PSMG2: variants seen among roughly 807,000 people sequenced by gnomAD.
PSMG2 encodes the protein CD40 ligand-activated specific transcript 3.
Under a neutral mutation model 31.5 loss-of-function variants are expected in PSMG2, and 21 were observed. The observed-to-expected ratio is 0.67, with a 90% CI of 0.47 to 0.96. The LOEUF (loss-of-function observed/expected upper bound fraction) is 0.96. Ranked by LOEUF, PSMG2 falls within the 40% of genes least tolerant of loss-of-function variation. The pLI is 0.00. For missense variants in PSMG2, 318 were observed against 321.2 expected, an observed-to-expected ratio of 0.99 and a Z score of 0.08; for synonymous variants, 120 against 110.4, an observed-to-expected ratio of 1.09 and a Z score of -0.54.
chr18:12,723,502 G>A (rs1030874057), intron 5 of PSMG2, among the ~76,000 whole-genome samples: 1 of 151,906 alleles, frequency 6.6e-6, no homozygotes, highest in African/African-American at 2.4e-5. Flanking sequence ...GTCTCACGCA[G>A]TTCTCCTGCC....
chr18:12,725,500 T>C lies in PSMG2; in HGVS notation c.764T>C (p.Phe255Ser), dbSNP rs1271607124. The C allele has an allele frequency of 6.2e-7, 1 of 1,605,004 alleles. No homozygotes were observed. Among genetic ancestry groups the C allele is most frequent in the African/African-American group, 1.3e-5 (1 of 74,700 alleles). ...WKIPSSWRLL[F>S]GSGLPPALF ...ATACCAAGTTCTTGGAGATTACTCT[T>C]TGGCAGTGGTCTTCCCCCTGCACTT... Residue 255 changes from phenylalanine to serine, a missense_variant, in exon 7 of 7, where the codon TTT (phenylalanine) becomes TCT (serine). Physicochemically the swap from Phe to Ser is radical, Grantham distance 155 (BLOSUM62 -2). Transcript: ENST00000317615.
intron 2 of PSMG2, among the ~76,000 whole-genome samples, chr18:12,708,375 T>C (rs1475998323): frequency 6.6e-6 from 1 of 152,178 alleles, no homozygotes; most frequent in African/African-American, 2.4e-5. Flanking sequence ...ACTTTTTTTT[T>C]TTTAATGAGA....
chr18:12,718,004 TC>T (rs2040394007), intron 3 of PSMG2, among the ~76,000 whole-genome samples: 1 of 144,638 alleles, frequency 6.9e-6, no homozygotes, highest in South Asian at 2.1e-4. Context: ...CTTTTCTTTT[TC>T]TTTTTTCTTT....
Position 12,669,209 on chromosome 18 carries a change from T to C in PSMG2, c.-37+10436T>C, listed in dbSNP as rs566055858. On this transcript the variant is annotated intron_variant, in intron 1 of 6. Coordinates refer to the PSMG2 transcript ENST00000585331. ...CTCACGGCAACCTCCACCTCCCAGA[T>C]TGAAGCGATTCTCCTGTCTCAGCCT... Among the ~76,000 whole-genome samples the C allele has an allele frequency of 5.3e-5, 8 of 151,664 alleles. No homozygotes were observed. In the East Asian group the frequency reaches 1.4e-3, roughly 26 times the overall value.
At chr18:12,707,877 C>T (rs986143617) in intron 2 of PSMG2, among the ~76,000 whole-genome samples, 26 of 152,288 alleles carry the variant, frequency 1.7e-4, no homozygotes, top group African/African-American at 5.3e-4. Flanking sequence ...GTGAAATGTA[C>T]ATTTGAGAAA....
upstream of PSMG2, chr18:12,699,876 A>G (rs2040090691): frequency 1.1e-5 from 18 of 1,598,368 alleles, no homozygotes; most frequent in Non-Finnish European, 1.5e-5. Context: ...GTTGTTTTGG[A>G]GAGGAAGGGA....
At chr18:12,700,490 T>C (rs2145114533), upstream of PSMG2, 2 of 153,872 alleles carry the variant, frequency 1.3e-5, no homozygotes, top group East Asian at 3.8e-4. Flanking sequence ...CATCCCATTA[T>C]TGACCTATTT....
intron 5 of PSMG2, among the ~76,000 whole-genome samples, chr18:12,722,812 T>TAATA (rs1331007681): frequency 1.3e-5 from 2 of 152,228 alleles, no homozygotes; most frequent in African/African-American, 4.8e-5. Flanking sequence ...TGTGACAAAC[T>TAATA]AATAAGAGGC....
intron 1 of PSMG2, among the ~76,000 whole-genome samples, chr18:12,705,402 C>T (rs1598677908): frequency 6.6e-6 from 1 of 152,028 alleles, no homozygotes; most frequent in Middle Eastern, 3.4e-3. Flanking sequence ...AAAATTTGGG[C>T]AAAAGTTTAT....
intron 4 of PSMG2, among the ~76,000 whole-genome samples, chr18:12,718,854 A>G (rs1451956789): frequency 6.6e-6 from 1 of 152,172 alleles, no homozygotes. Flanking sequence ...TGGGGAAGAC[A>G]TCGTGTAGAG....
At chr18:12,718,324 ATACAT>A (rs1459923599) in intron 3 of PSMG2, among the ~76,000 whole-genome samples, 188 bp from the exon 4 acceptor site, 11 of 152,310 alleles carry the variant, frequency 7.2e-5, no homozygotes, top group African/African-American at 2.6e-4. Flanking sequence ...AATTATAAAG[ATACAT>A]TAGATAATTC....
At position 12,724,619 on chromosome 18, in the gene PSMG2, T is replaced by G. The variant is rs1389394715; in HGVS notation, c.702T>G (p.Leu234=). 2 of 1,597,168 alleles carry G rather than the reference T, an allele frequency of 1.3e-6. No individual in the cohort carries two copies. Among genetic ancestry groups the G allele is most frequent in the Non-Finnish European group, 1.7e-6 (2 of 1,174,004 alleles). Residue 234 remains leucine (L), a splice_region_variant and synonymous_variant, in exon 6 of 7, where the codon CTT becomes CTG. Transcript: ENST00000317615. ...AGTGGCTTCAGATACTCAAACCACT[T>G]GTAAGTTCTATTATAGCTTAAGCCT... The part of the protein sequence containing the change: ...LNEWLQILKP[L]SDDPTVSASR...
chr18:12,673,545 T>TAC, intron 1 of PSMG2: 1 of 1,432,542 alleles, frequency 7.0e-7, no homozygotes, highest in Admixed American at 2.4e-5. Context: ...GAAGTGACCA[T>TAC]ACACTTTAAT....
chr18:12,717,218 G>A (rs1353407715), intron 3 of PSMG2, among the ~76,000 whole-genome samples: 1 of 151,938 alleles, frequency 6.6e-6, no homozygotes, highest in African/African-American at 2.4e-5. Context: ...CAAAGTGTTG[G>A]GATTACAGGA....
intron 1 of PSMG2, 29 bp downstream of exon 1, chr18:12,703,193 C>A (rs3809919): frequency 6.3e-7 from 1 of 1,589,404 alleles, no homozygotes; most frequent in Non-Finnish European, 8.6e-7. Context: ...TCGGGGCTGC[C>A]GCCTCCCGAG....
upstream of PSMG2, chr18:12,699,235 T>A: frequency 1.4e-6 from 2 of 1,411,926 alleles, no homozygotes; most frequent in Non-Finnish European, 2.0e-6. Context: ...ATGAGGAAAC[T>A]GCCAAATAAC....
chr18:12,679,485 T>C (rs1324457108), intron 1 of PSMG2, among the ~76,000 whole-genome samples: 3 of 152,174 alleles, frequency 2.0e-5, no homozygotes, highest in East Asian at 1.9e-4. Context: ...TCCCAGTGTT[T>C]TTCCTTTTTG....
At chr18:12,695,852 C>CCA (rs375916938) in intron 1 of PSMG2, among the ~76,000 whole-genome samples, 33,561 of 148,214 alleles carry the variant, frequency 0.23, 3,983 homozygotes, top group South Asian at 0.38. Flanking sequence ...CATTCCTTCT[C>CCA]CACACACACA....
chr18:12,673,158 G>T, intron 1 of PSMG2: 1 of 1,198,482 alleles, frequency 8.3e-7, no homozygotes, highest in East Asian at 3.7e-5. Flanking sequence ...CTAAATTCCA[G>T]GGAGATTTAT....
Sources: allele counts gnomAD v4.1 joint callset (sites outside exome capture counted in the v4.1 genomes callset), GRCh38; gene constraint gnomAD v4.1.1; transcripts MANE v1.5; gene names NCBI Gene and HGNC (gene_info 2026-07-23, HGNC 2026-07-21).